POLN: variants seen among roughly 807,000 people sequenced by gnomAD.
POLN encodes the protein DNA polymerase N.
In POLN, 108 loss-of-function variants were observed where a neutral mutation model predicts 113.5. That is an observed-to-expected ratio of 0.95 (90% confidence interval 0.81 to 1.12). POLN has a LOEUF of 1.12. Ranked by LOEUF, POLN falls within the 50% of genes most tolerant of loss-of-function variation. The pLI is 0.00. For missense variants in POLN, 1,097 were observed against 1,077.1 expected, an observed-to-expected ratio of 1.02 and a Z score of -0.26; for synonymous variants, 386 against 391.5, an observed-to-expected ratio of 0.99 and a Z score of 0.17.
chr4:2,230,437 T>A (rs1018892993), intron 2 of POLN: 3 of 152,080 alleles, frequency 2.0e-5, no homozygotes, highest in Non-Finnish European at 2.9e-5. Context: ...AAGTAAATTC[T>A]CTATTCCGAA....
chr4:2,219,607 G>A (rs563157919), intron 3 of POLN, among the ~76,000 whole-genome samples: 48 of 152,174 alleles, frequency 3.2e-4, no homozygotes, highest in Admixed American at 2.6e-4. Context: ...CAGTGAAGCC[G>A]ATGCTCCCCA....
At chr4:2,182,815 C>T (rs539018060) in intron 7 of POLN, among the ~76,000 whole-genome samples, 8 of 138,572 alleles carry the variant, frequency 5.8e-5, no homozygotes, top group South Asian at 4.4e-4. Flanking sequence ...ACAAATAAAT[C>T]GGATTTCCTT....
At chr4:2,213,201 A>G in intron 3 of POLN, 75 bp from the exon 4 acceptor site, 1 of 840,570 alleles carries the variant, frequency 1.2e-6, no homozygotes, top group South Asian at 1.6e-5. Context: ...TTAACTAAAC[A>G]CTGAAATAAC....
intron 16 of POLN, chr4:2,156,356 A>G: frequency 2.3e-6 from 1 of 429,810 alleles, no homozygotes; most frequent in Admixed American, 2.9e-5. Context: ...CTGCATCATA[A>G]GTTCAAGGGA....
At chr4:2,199,013 G>C (rs1733648327) in intron 5 of POLN, among the ~76,000 whole-genome samples, 1 of 152,050 alleles carries the variant, frequency 6.6e-6, no homozygotes, top group Non-Finnish European at 1.5e-5. Context: ...ATTAACAGAT[G>C]GCATGAATGT....
At chr4:2,189,502 G>A (rs10034813) in intron 7 of POLN, among the ~76,000 whole-genome samples, 37,095 of 150,638 alleles carry the variant, frequency 0.25, 7,023 homozygotes, top group African/African-American at 0.51. Context: ...AGCCAGGCAT[G>A]GTGGCGGGCG....
chr4:2,133,069 C>T (rs1731765176), intron 16 of POLN, among the ~76,000 whole-genome samples: 1 of 151,072 alleles, frequency 6.6e-6, no homozygotes, highest in East Asian at 1.9e-4. Flanking sequence ...ACTTTGGGAA[C>T]CCAAGGCAGG....
intron 4 of POLN, among the ~76,000 whole-genome samples, chr4:2,209,889 T>C (rs1733949770): frequency 1.3e-5 from 2 of 150,822 alleles, no homozygotes; most frequent in South Asian, 4.2e-4. Context: ...CTCAAACTCC[T>C]GGACTCAAGC....
intron 19 of POLN, among the ~76,000 whole-genome samples, chr4:2,102,418 C>A (rs1730950954): frequency 6.6e-6 from 1 of 152,202 alleles, no homozygotes. Flanking sequence ...TGGGGGCTGG[C>A]CTGCAAAGCC....
intron 13 of POLN, among the ~76,000 whole-genome samples, chr4:2,168,044 A>T (rs1560080026): frequency 1.3e-5 from 2 of 152,228 alleles, no homozygotes. Flanking sequence ...TCAAACAATG[A>T]GAAAAAAATA....
Position 2,174,751 on chromosome 4 carries a change from C to T in POLN, c.1249G>A (p.Asp417Asn). The T allele has an allele frequency of 6.3e-7, 1 of 1,594,110 alleles. No individual in the cohort carries two copies. The highest frequency in any genetic ancestry group is 8.6e-7 in the Non-Finnish European group (1 of 1,163,484). ...CGAAATAGTTGCCATAAACCATAAT[C>T]CTGTTTAATAGGAAGAAATAACATC... ...LTMDLCSKLK[D>N]YGLWQLFRTL... The change falls in exon 10 of 26, where the codon GAT becomes AAT. Residue 417 changes from aspartate (D) to asparagine (N), a missense_variant and splice_region_variant. Asp to Asn is a conservative substitution (Grantham distance 23). Coordinates refer to ENST00000511885, the MANE Select transcript of POLN (RefSeq NM_181808.4).
intron 13 of POLN, among the ~76,000 whole-genome samples, chr4:2,166,773 C>CA (rs1418915529): frequency 2.6e-5 from 4 of 152,130 alleles, no homozygotes; most frequent in Non-Finnish European, 4.4e-5. Flanking sequence ...GCCTTGGACT[C>CA]AGAGTTACAC....
Position 2,173,161 on chromosome 4 carries a change from CAAGA to C in POLN, c.1374+790_1374+793del, listed in dbSNP as rs550842980. Among the ~76,000 whole-genome samples the C allele has an allele frequency of 5.2e-3, 799 of 152,276 alleles. 2 individuals are homozygous for C. Among genetic ancestry groups the C allele is most frequent in the Non-Finnish European group, 9.4e-3 (642 of 68,020 alleles). ...TCAGGGTTGCAGTTACTTTTGGCAG[CAAGA>C]AAGGGGTTCTGATAGGGAAAGCACA... On this transcript the variant is annotated intron_variant, in intron 11 of 25. Transcript: ENST00000511885.
chr4:2,129,693 T>A (rs1232264771), intron 17 of POLN, among the ~76,000 whole-genome samples: 1 of 152,254 alleles, frequency 6.6e-6, no homozygotes, highest in Non-Finnish European at 1.5e-5. Flanking sequence ...CCTGGCCTTA[T>A]TAATGTAATT....
chr4:2,082,628 G>C (rs901329785), intron 21 of POLN: 1 of 152,204 alleles, frequency 6.6e-6, no homozygotes, highest in African/African-American at 2.4e-5. Flanking sequence ...AGGATGAGAA[G>C]AATTTCCCAC....
chr4:2,072,308 G>A lies in POLN; in HGVS notation c.2518-9C>T. On this transcript the variant is annotated splice_polypyrimidine_tract_variant and intron_variant, in intron 25 of 25. Transcript: ENST00000511885. Reference sequence around the variant, plus strand: ...CTCACCTTGAGGGGTACCTGCAGGTGGCAGCCAGAGGTGAGCCCCACGCCT... The same window carrying A: ...CTCACCTTGAGGGGTACCTGCAGGTAGCAGCCAGAGGTGAGCCCCACGCCT... 6.5e-7 allele frequency: 1 copy of A among 1,542,564 alleles called. No individual in the cohort carries two copies. Among genetic ancestry groups the A allele is most frequent in the Non-Finnish European group, 8.7e-7 (1 of 1,147,858 alleles).
At position 2,210,923 on chromosome 4, in the gene POLN, TAATAAATA is replaced by T. The variant is rs4030453; in HGVS notation, c.213+2116_213+2123del. The stretch of plus-strand genomic sequence containing the variant: ...GTGACAGAGACTCCATCTCAAAACA[TAATAAATA>T]AATAAATAAATAAATAAATAAATAA... On this transcript the variant is annotated intron_variant, in intron 4 of 25. Coordinates refer to ENST00000511885, the MANE Select transcript of POLN (RefSeq NM_181808.4). Among the ~76,000 whole-genome samples, 300 of 134,466 alleles carry T rather than the reference TAATAAATA, an allele frequency of 2.2e-3. 1 individual carries two copies. Among genetic ancestry groups the T allele is most frequent in the South Asian group, 4.8e-3 (20 of 4,188 alleles). 88.2% of individuals were successfully genotyped at this position (134,466 alleles called of 152,430 possible).
At chr4:2,232,962 G>C (rs1463925762) in intron 2 of POLN, among the ~76,000 whole-genome samples, 4 of 152,070 alleles carry the variant, frequency 2.6e-5, no homozygotes, top group African/African-American at 7.2e-5. Context: ...TACTTGTTAT[G>C]AATACAGATT....
At chr4:2,128,091 A>G in intron 19 of POLN, 22 bp downstream of exon 19, 1 of 1,429,366 alleles carries the variant, frequency 7.0e-7, no homozygotes, top group South Asian at 1.2e-5. Context: ...ATCTGATAAT[A>G]TTGTGAGTTC....
Sources: gnomAD v4.1 joint callset for allele counts (sites outside exome capture counted in the v4.1 genomes callset) on GRCh38, gnomAD v4.1.1 for gene constraint, MANE v1.5 for transcripts, NCBI Gene and HGNC (gene_info 2026-07-23, HGNC 2026-07-21) for gene names.